The following AHCYL2 variants were observed in gnomAD, a reference collection of about 807,000 sequenced individuals.
AHCYL2 encodes the protein S-adenosylhomocysteine hydrolase-like protein 2.
In AHCYL2, 28 loss-of-function variants were observed where a neutral mutation model predicts 81.4. The observed-to-expected ratio is 0.34, with a 90% CI of 0.25 to 0.47. The LOEUF is 0.47. AHCYL2 is among the 20% of genes least tolerant of loss of function. The pLI, the probability that AHCYL2 is intolerant of heterozygous loss-of-function variation, is 1.00. For missense variants in AHCYL2, 551 were observed against 785.1 expected (o/e 0.70, Z 3.56); for synonymous variants, 272 against 290.2 (o/e 0.94, Z 0.64).
At chr7:129,356,728 A>C (rs1793746237) in intron 1 of AHCYL2, among the ~76,000 whole-genome samples, 1 of 152,214 alleles carries the variant, frequency 6.6e-6, no homozygotes, top group Admixed American at 6.5e-5. Flanking sequence ...TAATGGAAAC[A>C]GAGATCCTTA....
chr7:129,389,014 G>T, intron 2 of AHCYL2, 42 bp from the exon 3 acceptor site: 1 of 1,578,490 alleles, frequency 6.3e-7, no homozygotes. Context: ...TTTAGAGGAA[G>T]CATTTTTTTT....
chr7:129,271,766 A>G (rs1026399839), intron 1 of AHCYL2, among the ~76,000 whole-genome samples: 1 of 152,242 alleles, frequency 6.6e-6, no homozygotes, highest in African/African-American at 2.4e-5. Flanking sequence ...CATAGAAAAG[A>G]TAGGATAAAT....
At chr7:129,403,860 CA>C (rs34806455) in intron 7 of AHCYL2, among the ~76,000 whole-genome samples, 140 of 80,164 alleles carry the variant, frequency 1.7e-3, no homozygotes, top group Non-Finnish European at 2.5e-3. Context: ...GACTCCATCT[CA>C]AAAAAAAAAA....
intron 1 of AHCYL2, among the ~76,000 whole-genome samples, chr7:129,334,523 G>A (rs1044718688): frequency 1.3e-5 from 2 of 152,060 alleles, no homozygotes; most frequent in Admixed American, 6.6e-5. Context: ...GATGATGATG[G>A]GATTCCTCCT....
intron 1 of AHCYL2, among the ~76,000 whole-genome samples, chr7:129,327,268 T>C (rs1426128392): frequency 2.0e-5 from 3 of 152,122 alleles, no homozygotes; most frequent in African/African-American, 7.2e-5. Context: ...CTCCACCATA[T>C]GAGGATACAG....
intron 1 of AHCYL2, among the ~76,000 whole-genome samples, chr7:129,260,775 CAT>C (rs1795602062): frequency 6.6e-6 from 1 of 152,076 alleles, no homozygotes; most frequent in Admixed American, 6.6e-5. Flanking sequence ...CTCATCAACA[CAT>C]GTTAAAATTG....
chr7:129,363,508 AAAC>A (rs1307504729), intron 1 of AHCYL2, among the ~76,000 whole-genome samples: 1 of 152,216 alleles, frequency 6.6e-6, no homozygotes, highest in Non-Finnish European at 1.5e-5. Flanking sequence ...TCATAACTAA[AAAC>A]AACACTTAGT....
chr7:129,289,548 C>T (rs1276238173), intron 1 of AHCYL2, among the ~76,000 whole-genome samples: 4 of 152,224 alleles, frequency 2.6e-5, no homozygotes, highest in South Asian at 2.1e-4. Flanking sequence ...TTCTAATCTT[C>T]GATTTACCCA....
chr7:129,384,496 A>T (rs1795114326), intron 2 of AHCYL2, among the ~76,000 whole-genome samples: 3 of 151,894 alleles, frequency 2.0e-5, no homozygotes. Flanking sequence ...CAGAGACGTT[A>T]TACTTTTATA....
At chr7:129,241,058 G>C (rs1280167917) in intron 1 of AHCYL2, among the ~76,000 whole-genome samples, 1 of 151,988 alleles carries the variant, frequency 6.6e-6, no homozygotes, top group African/African-American at 2.4e-5. Flanking sequence ...AGAGAACACT[G>C]AAACTACATA....
At chr7:129,258,306 T>C (rs1795494234) in intron 1 of AHCYL2, among the ~76,000 whole-genome samples, 1 of 151,948 alleles carries the variant, frequency 6.6e-6, no homozygotes, top group Non-Finnish European at 1.5e-5. Flanking sequence ...TACTGTGTAT[T>C]CTGTTGGATT....
intron 1 of AHCYL2, among the ~76,000 whole-genome samples, chr7:129,275,855 A>T (rs550566958): frequency 4.6e-5 from 7 of 152,292 alleles, no homozygotes; most frequent in African/African-American, 1.7e-4. Flanking sequence ...ACTTGAGAAG[A>T]TAACAGAAGA....
chr7:129,367,428 G>C (rs1794163222), intron 1 of AHCYL2, among the ~76,000 whole-genome samples: 2 of 152,086 alleles, frequency 1.3e-5, no homozygotes, highest in Non-Finnish European at 1.5e-5. Flanking sequence ...CTTTTTTCTA[G>C]TTATGTCTTA....
chr7:129,322,265 G>A (rs1297652646), intron 1 of AHCYL2, among the ~76,000 whole-genome samples: 1 of 151,472 alleles, frequency 6.6e-6, no homozygotes, highest in African/African-American at 2.4e-5. Flanking sequence ...TCAGCCTCCT[G>A]AGTAGCTGGG....
rs533573222 is a variant in AHCYL2, at chr7:129,300,685, T to C, written c.363+75246T>C. 4.6e-5 allele frequency among the ~76,000 whole-genome samples: 7 copies of C among 152,316 alleles called. No homozygotes were observed. In the South Asian group the frequency reaches 1.5e-3, roughly 32 times the overall value. On this transcript the variant is annotated intron_variant, in intron 1 of 16. Coordinates refer to ENST00000325006, the MANE Select transcript of AHCYL2 (RefSeq NM_015328.4). ...CCAACAGTGGGATTGCTGGATTATA[T>C]GGTGGTTTTATTTTTAATTTTTTGA... is the stretch of plus-strand genomic sequence containing the variant.
chr7:129,300,863 C>G (rs1322308154), intron 1 of AHCYL2, among the ~76,000 whole-genome samples: 1 of 152,186 alleles, frequency 6.6e-6, no homozygotes, highest in Non-Finnish European at 1.5e-5. Flanking sequence ...GAGATGGAGT[C>G]TCACTCTGTC....
intron 12 of AHCYL2, among the ~76,000 whole-genome samples, chr7:129,416,724 C>T (rs562269080): frequency 3.3e-5 from 5 of 152,114 alleles, no homozygotes; most frequent in East Asian, 1.9e-4. Context: ...TGCTTGAACC[C>T]GAGAGGCGGA....
intron 1 of AHCYL2, among the ~76,000 whole-genome samples, chr7:129,337,063 A>G (rs1452669203): frequency 6.6e-6 from 1 of 152,198 alleles, no homozygotes; most frequent in Non-Finnish European, 1.5e-5. Context: ...ATTTGTAAAG[A>G]AATTATTTAT....
chr7:129,324,464 G>A (rs1264154120), intron 1 of AHCYL2, among the ~76,000 whole-genome samples: 3 of 151,862 alleles, frequency 2.0e-5, no homozygotes, highest in Non-Finnish European at 4.4e-5. Flanking sequence ...GTTTCTTTTG[G>A]ATTAATTAAG....
Sources: gnomAD v4.1 joint callset for allele counts (sites outside exome capture counted in the v4.1 genomes callset) on GRCh38, gnomAD v4.1.1 for gene constraint, MANE v1.5 for transcripts, NCBI Gene and HGNC (gene_info 2026-07-23, HGNC 2026-07-21) for gene names.